Variants in CELA1 observed in about 807,000 individuals in gnomAD.
The protein encoded by CELA1 is chymotrypsin like elastase 1.
CELA1 carries 28 observed loss-of-function variants against 34.8 expected under a neutral mutation model. That is an observed-to-expected ratio of 0.80 (90% confidence interval 0.60 to 1.10). The LOEUF (loss-of-function observed/expected upper bound fraction) is 1.10. Ranked by LOEUF, CELA1 falls within the 50% of genes least tolerant of loss-of-function variation. The pLI, the probability that CELA1 is intolerant of heterozygous loss-of-function variation, is 0.00. For missense variants in CELA1, 288 were observed against 327.5 expected (o/e 0.88, Z 0.93); for synonymous variants, 140 against 129.8 (o/e 1.08, Z -0.53).
At chr12:51,329,904 G>T in intron 6 of CELA1, 71 bp from the exon 7 acceptor site, 1 of 1,408,306 alleles carries the variant, frequency 7.1e-7, no homozygotes, top group Non-Finnish European at 9.6e-7. Flanking sequence ...CCCCGCCCCC[G>T]TCTCTGGTTG....
At chr12:51,331,479 G>A (rs893242337) in intron 6 of CELA1, among the ~76,000 whole-genome samples, 1 of 152,192 alleles carries the variant, frequency 6.6e-6, no homozygotes, top group Admixed American at 6.5e-5. Flanking sequence ...AGCAAAAAGA[G>A]CCTTTGGAAA....
Position 51,342,573 on chromosome 12 carries a change from A to T in CELA1, c.326+2T>A. The T allele has an allele frequency of 6.2e-7, 1 of 1,614,088 alleles. No individual in the cohort carries two copies. Among genetic ancestry groups the T allele is most frequent in the Non-Finnish European group, 8.5e-7 (1 of 1,179,992 alleles). On this transcript the variant is annotated splice_donor_variant, in intron 4 of 7. Coordinates refer to ENST00000293636, the MANE Select transcript of CELA1 (RefSeq NM_001971.6). LOFTEE classifies it high-confidence loss of function. ...CCAGGGCCAGCTTGGACTTGCTCCT[A>T]CCCGGCAGCCACGTTATCGCTGTTC...
intron 7 of CELA1, 23 bp downstream of exon 7, chr12:51,329,661 A>G: frequency 6.3e-7 from 1 of 1,591,304 alleles, no homozygotes; most frequent in Non-Finnish European, 8.6e-7. Flanking sequence ...CCCCATTTCA[A>G]CCCATCATTT....
chr12:51,339,896 C>T lies in CELA1; in HGVS notation c.573G>A (p.Val191=), dbSNP rs767983400. ...YWGSTVKNTM[V]CAGGDGVRSG... is the part of the protein sequence containing the mutation. The stretch of plus-strand genomic sequence containing the variant: ...AGCGAACTCCATCTCCACCAGCACA[C>T]ACCATGGTGTTCTTCACAGTGGAGC... Residue 191 remains valine (V), a synonymous_variant, in exon 6 of 8, where the codon GTG becomes GTA. Transcript: ENST00000293636. 2.5e-5 allele frequency: 41 copies of T among 1,614,038 alleles called. No homozygotes were observed. Among genetic ancestry groups the T allele is most frequent in the Non-Finnish European group, 3.3e-5 (39 of 1,180,036 alleles).
At chr12:51,336,342 C>G (rs1295298005) in intron 6 of CELA1, among the ~76,000 whole-genome samples, 3 of 152,152 alleles carry the variant, frequency 2.0e-5, no homozygotes, top group Non-Finnish European at 2.9e-5. Flanking sequence ...CCAGGCCCCA[C>G]TTTTTCTATC....
chr12:51,338,130 C>G (rs535625363), intron 6 of CELA1, among the ~76,000 whole-genome samples: 3 of 147,802 alleles, frequency 2.0e-5, no homozygotes, highest in East Asian at 4.0e-4. Context: ...CCCAGCTACT[C>G]GGGAGGCTGA....
intron 6 of CELA1, among the ~76,000 whole-genome samples, chr12:51,330,839 G>A (rs566218348): frequency 2.0e-5 from 3 of 150,786 alleles, no homozygotes; most frequent in South Asian, 4.2e-4. Flanking sequence ...GCGTGGTGGT[G>A]GGCGCCTGTA....
intron 4 of CELA1, 146 bp from the exon 5 acceptor site, chr12:51,341,526 C>T (rs750888782): frequency 2.1e-5 from 16 of 744,466 alleles, no homozygotes; most frequent in African/African-American, 8.8e-5. Context: ...TGCTAAGCCT[C>T]AAACTAGAGC....
intron 1 of CELA1, 79 bp downstream of exon 1, chr12:51,346,544 C>G: frequency 5.8e-6 from 8 of 1,378,488 alleles, no homozygotes; most frequent in Non-Finnish European, 8.1e-6. Flanking sequence ...CTGCCCAAGT[C>G]CCCCTCCCTA....
At chr12:51,338,068 G>A (rs1946510815) in intron 6 of CELA1, among the ~76,000 whole-genome samples, 1 of 150,678 alleles carries the variant, frequency 6.6e-6, no homozygotes, top group Non-Finnish European at 1.5e-5. Flanking sequence ...GTGAAATCCT[G>A]TCTCTACTAA....
rs1435109118 is a variant in CELA1, at chr12:51,345,868, G to A, written c.26C>T (p.Thr9Ile). 5.8e-6 allele frequency: 9 copies of A among 1,557,758 alleles called. No individual in the cohort carries two copies. The highest frequency in any genetic ancestry group is 1.9e-5 in the Admixed American group (1 of 51,778). Residue 9 changes from threonine to isoleucine, a missense_variant, in exon 2 of 8, where the codon ACC becomes ATC. Physicochemically the swap from Thr to Ile is moderately conservative, Grantham distance 89 (BLOSUM62 -1). Transcript: ENST00000293636. MLVLYGHS[T>I]QDLPETNARV... The stretch of plus-strand genomic sequence containing the variant: ...GGCATTGGTTTCCGGAAGGTCCTGG[G>A]TGCTGTGTCCTTTGTGGGGCAGAAG...
chr12:51,328,588 C>T lies in CELA1; in HGVS notation c.766G>A (p.Ala256Thr), dbSNP rs141584534. ...ACTCAGGAAAATGTTCAGTTGGAGG[C>T]GATGACCTGAAGGAAAGACAGTTAT... Reference protein sequence around the residue: ...AYISWINNVIASN With the variant: ...AYISWINNVITSN The change falls in exon 8 of 8, where the codon GCC (alanine) becomes ACC (threonine). Residue 256 changes from alanine (A) to threonine (T), a missense_variant. Physicochemically the swap from Ala to Thr is moderately conservative, Grantham distance 58. Transcript: ENST00000293636. 2.5e-5 allele frequency: 40 copies of T among 1,614,080 alleles called. No homozygotes were observed. In the African/African-American group the frequency reaches 3.3e-4, roughly 13 times the overall value.
chr12:51,346,529 C>A (rs948012201), intron 1 of CELA1, 94 bp downstream of exon 1: 2 of 1,256,660 alleles, frequency 1.6e-6, no homozygotes, highest in East Asian at 2.5e-5. Context: ...AATTTGCTGA[C>A]CTTCCTGCCC....
chr12:51,332,541 T>C (rs912703320), intron 6 of CELA1, among the ~76,000 whole-genome samples: 1 of 152,120 alleles, frequency 6.6e-6, no homozygotes, highest in Non-Finnish European at 1.5e-5. Context: ...AGCCCCATAA[T>C]CTTATTTGCC....
intron 6 of CELA1, among the ~76,000 whole-genome samples, chr12:51,335,302 G>C (rs1035495241): frequency 2.6e-5 from 4 of 152,118 alleles, no homozygotes; most frequent in African/African-American, 9.7e-5. Flanking sequence ...TGTCACCCAG[G>C]CTGGAGTGCG....
intron 3 of CELA1, 147 bp downstream of exon 3, chr12:51,343,606 C>T: frequency 1.7e-6 from 1 of 580,688 alleles, no homozygotes; most frequent in Non-Finnish European, 3.1e-6. Flanking sequence ...TTTCACCATA[C>T]TACCTCCCTG....
intron 6 of CELA1, 83 bp downstream of exon 6, chr12:51,339,776 GT>G: frequency 7.2e-7 from 1 of 1,384,700 alleles, no homozygotes; most frequent in Non-Finnish European, 1.0e-6. Context: ...AAGAGTAAGT[GT>G]CGAATAGGGA....
At chr12:51,336,834 G>A (rs977433588) in intron 6 of CELA1, among the ~76,000 whole-genome samples, 1 of 152,098 alleles carries the variant, frequency 6.6e-6, no homozygotes, top group Non-Finnish European at 1.5e-5. Flanking sequence ...TCCCTCCTCC[G>A]GTTCCTATCA....
intron 6 of CELA1, among the ~76,000 whole-genome samples, chr12:51,333,936 TG>T (rs1946486443): frequency 6.6e-6 from 1 of 152,138 alleles, no homozygotes; most frequent in South Asian, 2.1e-4. Flanking sequence ...AGGGTGTGGC[TG>T]AGGATTTTAG....
Sources: gnomAD v4.1 joint callset for allele counts (sites outside exome capture counted in the v4.1 genomes callset) on GRCh38, gnomAD v4.1.1 for gene constraint, MANE v1.5 for transcripts, NCBI Gene and HGNC (gene_info 2026-07-23, HGNC 2026-07-21) for gene names.